KLHL29: variants seen among roughly 807,000 people sequenced by gnomAD.
KLHL29 encodes kelch-like protein 29.
In KLHL29, 21 loss-of-function variants were observed where a neutral mutation model predicts 80.4. That is an observed-to-expected ratio of 0.26 (90% confidence interval 0.19 to 0.38). The LOEUF is 0.38. KLHL29 is among the 10% of genes least tolerant of loss of function. The pLI, the probability that KLHL29 is intolerant of heterozygous loss-of-function variation, is 1.00. For synonymous variants in KLHL29, 511 were observed against 526.8 expected, an observed-to-expected ratio of 0.97 and a Z score of 0.41; for missense variants, 867 against 1,223.9, an observed-to-expected ratio of 0.71 and a Z score of 4.35.
intron 3 of KLHL29, among the ~76,000 whole-genome samples, chr2:23,633,192 G>T (rs528092566): frequency 6.6e-6 from 1 of 152,174 alleles, no homozygotes; most frequent in African/African-American, 2.4e-5. Context: ...TTTGTCTGGC[G>T]TTGTCCCTGG....
chr2:23,693,545 C>T lies in KLHL29; in HGVS notation c.1542+17C>T, dbSNP rs1400255585. On this transcript the variant is annotated intron_variant, in intron 8 of 13. Transcript: ENST00000486442. ...CGCACACAGGTGGGGCCTGCCCTGT[C>T]CCCCGCCCCTTCTCTCTGGGTTTGG... The T allele has an allele frequency of 1.9e-6, 3 of 1,538,838 alleles. No homozygotes were observed. Among genetic ancestry groups the T allele is most frequent in the Non-Finnish European group, 2.6e-6 (3 of 1,136,482 alleles).
rs377500829 is a variant in KLHL29 at position 23,562,398 on chromosome 2, A to G, written c.202A>G (p.Thr68Ala). ...GCCCTCCCGGCTGCCCACCCCGGCT[A>G]CAGCTCCTGCTCCCTGCACCACCGG... Reference protein sequence around the residue: ...VVPSRLPTPATAPAPCTTGSS... With the variant: ...VVPSRLPTPAAAPAPCTTGSS... Residue 68 changes from threonine (T) to alanine (A), a missense_variant, in exon 3 of 14, where the codon ACA (threonine) becomes GCA (alanine). By Grantham distance (58) the Thr-to-Ala change is moderately conservative. This residue lies in a region of KLHL29 where 424 missense variants were observed against 456.9 expected (regional missense o/e 0.93). Coordinates refer to ENST00000486442, the MANE Select transcript of KLHL29 (RefSeq NM_052920.2). The surrounding 1 kb of genome is among the most constrained non-coding windows in gnomAD (Gnocchi z 4.5). The G allele has an allele frequency of 6.0e-5, 93 of 1,538,708 alleles. No individual in the cohort carries two copies. The East Asian group carries it at 1.8e-3, about 30-fold the overall frequency.
At chr2:23,396,389 G>A (rs1265988246) in intron 1 of KLHL29, among the ~76,000 whole-genome samples, 1 of 152,202 alleles carries the variant, frequency 6.6e-6, no homozygotes, top group African/African-American at 2.4e-5. Context: ...TGAGATTTGG[G>A]TAGCCTATTT....
chr2:23,400,937 T>C (rs1003261692), intron 1 of KLHL29, among the ~76,000 whole-genome samples: 1 of 152,220 alleles, frequency 6.6e-6, no homozygotes, highest in African/African-American at 2.4e-5. Flanking sequence ...CAAGTTAATC[T>C]CTTGGAGCGT....
chr2:23,414,262 G>A (rs554736614), intron 1 of KLHL29, among the ~76,000 whole-genome samples: 208 of 152,302 alleles, frequency 1.4e-3, no homozygotes, highest in Non-Finnish European at 2.4e-3. Context: ...GTGAGCTGGG[G>A]CCGGCCCCCT....
intron 3 of KLHL29, among the ~76,000 whole-genome samples, chr2:23,634,880 C>T (rs1350745944): frequency 3.9e-5 from 6 of 152,014 alleles, no homozygotes; most frequent in African/African-American, 1.2e-4. Context: ...ATTCATTCAT[C>T]GAGCCAGCAG....
intron 1 of KLHL29, among the ~76,000 whole-genome samples, chr2:23,441,129 C>T (rs1663504991): frequency 6.6e-6 from 1 of 152,120 alleles, no homozygotes; most frequent in African/African-American, 2.4e-5. Flanking sequence ...CATATATACA[C>T]CATGGAATAC....
At chr2:23,442,020 G>A (rs1663540907) in intron 1 of KLHL29, among the ~76,000 whole-genome samples, 1 of 152,182 alleles carries the variant, frequency 6.6e-6, no homozygotes, top group African/African-American at 2.4e-5. Context: ...TTTTGCAGAT[G>A]TGATTAATGT....
chr2:23,418,734 C>T (rs1049043023), intron 1 of KLHL29, among the ~76,000 whole-genome samples: 4 of 152,052 alleles, frequency 2.6e-5, no homozygotes, highest in African/African-American at 9.7e-5. Context: ...TGACTTAACC[C>T]CTCTGAGTCT....
rs1026384284 is a variant in KLHL29, at chr2:23,502,655, G to A, written c.-46+26988G>A. ...GCCCTTCCAGCACCTGTCACTAGGC[G>A]CAGGCGGTCAGCAGGGATTCAAACC... On this transcript the variant is annotated intron_variant, in intron 2 of 13. Transcript: ENST00000486442. 3.9e-5 allele frequency among the ~76,000 whole-genome samples: 6 copies of A among 152,368 alleles called. No individual in the cohort carries two copies. The South Asian group carries it at 6.2e-4, about 16-fold the overall frequency.
intron 1 of KLHL29, among the ~76,000 whole-genome samples, chr2:23,440,654 A>C (rs1366818397): frequency 1.3e-5 from 2 of 152,126 alleles, no homozygotes; most frequent in Non-Finnish European, 2.9e-5. Context: ...CAACCCCATC[A>C]AAAAGTGGGC....
chr2:23,648,298 T>C (rs957710615), intron 5 of KLHL29, among the ~76,000 whole-genome samples: 3 of 152,104 alleles, frequency 2.0e-5, no homozygotes, highest in African/African-American at 7.2e-5. Context: ...GATTGAGTTA[T>C]TTTACATACT....
intron 2 of KLHL29, among the ~76,000 whole-genome samples, chr2:23,554,855 G>A (rs751470867): frequency 3.3e-5 from 5 of 152,112 alleles, no homozygotes; most frequent in African/African-American, 4.8e-5. Context: ...CAGGGCTGCC[G>A]ATCCGATCTC....
intron 1 of KLHL29, among the ~76,000 whole-genome samples, chr2:23,428,879 C>T (rs1663080317): frequency 6.6e-6 from 1 of 152,232 alleles, no homozygotes; most frequent in African/African-American, 2.4e-5. Flanking sequence ...CCCAGCCTTT[C>T]CCTTTAAGTC....
At chr2:23,497,405 C>T (rs756996849) in intron 2 of KLHL29, among the ~76,000 whole-genome samples, 2 of 152,098 alleles carry the variant, frequency 1.3e-5, no homozygotes, top group African/African-American at 4.8e-5. Flanking sequence ...TAGCAGTGCA[C>T]GTGCTCTGGA....
At chr2:23,455,934 G>GA (rs1283759792) in intron 1 of KLHL29, among the ~76,000 whole-genome samples, 1 of 152,052 alleles carries the variant, frequency 6.6e-6, no homozygotes, top group African/African-American at 2.4e-5. Context: ...TTTATAAAAA[G>GA]AAGACACACA....
chr2:23,694,510 C>G (rs1023129847), intron 8 of KLHL29, among the ~76,000 whole-genome samples: 9 of 152,230 alleles, frequency 5.9e-5, no homozygotes, highest in Non-Finnish European at 1.5e-5. Flanking sequence ...TCCATCCACT[C>G]AAACCCCTCC....
chr2:23,673,323 C>T (rs540664707), intron 5 of KLHL29, among the ~76,000 whole-genome samples: 125 of 151,770 alleles, frequency 8.2e-4, no homozygotes, highest in African/African-American at 2.9e-3. Context: ...AGAGGACACA[C>T]ATACACCCAT....
chr2:23,618,061 A>G (rs1669068050), intron 3 of KLHL29: 1 of 152,208 alleles, frequency 6.6e-6, no homozygotes, highest in South Asian at 2.1e-4. Flanking sequence ...CAGACACCGC[A>G]TCTCCTGGGA....
Sources: gnomAD v4.1 joint callset for allele counts (sites outside exome capture counted in the v4.1 genomes callset) on GRCh38, gnomAD v4.1.1 for gene constraint, gnomAD v4.1.1 regional missense constraint, Gnocchi (gnomAD v3.1) non-coding constraint, MANE v1.5 for transcripts, NCBI Gene and HGNC (gene_info 2026-07-23, HGNC 2026-07-21) for gene names.